Variants in KIAA1671 observed in about 807,000 individuals in gnomAD.
The protein encoded by KIAA1671 is KIAA1671.
KIAA1671 carries 52 observed loss-of-function variants against 131.2 expected under a neutral mutation model. The observed-to-expected ratio is 0.40, with a 90% CI of 0.32 to 0.50. KIAA1671 has a LOEUF of 0.50. KIAA1671 is among the 20% of genes least tolerant of loss of function. The pLI is 0.73. For missense variants in KIAA1671, 2,360 were observed against 2,364.2 expected (o/e 1.00, Z 0.04); for synonymous variants, 1,003 against 961.6 (o/e 1.04, Z -0.80).
chr22:24,957,957 C>A (rs1921804707), intron 1 of KIAA1671, among the ~76,000 whole-genome samples: 3 of 145,400 alleles, frequency 2.1e-5, no homozygotes, highest in South Asian at 4.5e-4. Context: ...GGATTACAGG[C>A]ACCCGGCCTT....
At chr22:25,075,629 C>G (rs1416512323) in intron 6 of KIAA1671, among the ~76,000 whole-genome samples, 1 of 146,246 alleles carries the variant, frequency 6.8e-6, no homozygotes, top group South Asian at 2.2e-4. Context: ...GTAGCTGGGA[C>G]TACAGGCACG....
chr22:25,159,190 C>G (rs1933350117), intron 6 of KIAA1671, among the ~76,000 whole-genome samples: 1 of 152,182 alleles, frequency 6.6e-6, no homozygotes, highest in Non-Finnish European at 1.5e-5. Context: ...GCACTCCCAG[C>G]CGGGAAACCA....
intron 6 of KIAA1671, among the ~76,000 whole-genome samples, chr22:25,089,986 A>G (rs1929942133): frequency 6.6e-6 from 1 of 152,182 alleles, no homozygotes. Flanking sequence ...AGAGGCTAGA[A>G]GCTGAGAAGA....
chr22:25,086,215 C>G (rs985042238), intron 6 of KIAA1671, among the ~76,000 whole-genome samples: 2 of 152,208 alleles, frequency 1.3e-5, no homozygotes, highest in Non-Finnish European at 2.9e-5. Context: ...CCTCAGAGAG[C>G]ATGTCTTGTT....
At chr22:25,001,024 T>C (rs551949254) in intron 1 of KIAA1671, among the ~76,000 whole-genome samples, 1 of 152,190 alleles carries the variant, frequency 6.6e-6, no homozygotes, top group African/African-American at 2.4e-5. Context: ...GATTTTTTTC[T>C]GTGTATGTGT....
intron 6 of KIAA1671, among the ~76,000 whole-genome samples, chr22:25,078,380 A>G (rs1929224469): frequency 6.6e-6 from 1 of 152,134 alleles, no homozygotes; most frequent in South Asian, 2.1e-4. Context: ...TTTTTTTTGA[A>G]TAGCCAAGTA....
At chr22:25,096,709 G>T (rs576528913) in intron 6 of KIAA1671, among the ~76,000 whole-genome samples, 1 of 152,144 alleles carries the variant, frequency 6.6e-6, no homozygotes, top group African/African-American at 2.4e-5. Flanking sequence ...GAACCGTCAC[G>T]GCAGTGAAAA....
Position 25,039,075 on chromosome 22 carries a change from A to G in KIAA1671, c.1945A>G (p.Arg649Gly), listed in dbSNP as rs1245143558. 2 of 1,551,586 alleles carry G rather than the reference A, an allele frequency of 1.3e-6. No homozygotes were observed. The highest frequency in any genetic ancestry group is 1.7e-6 in the Non-Finnish European group (2 of 1,147,030). ...GGCCCATGCCCGTGTCTCAGAACCC[A>G]GGCCGAGGCCTGAGATGGGCTCTTG... ...DMAHARVSEP[R>G]PRPEMGSWLG... Residue 649 changes from arginine (R) to glycine (G), a missense_variant, in exon 5 of 13, where the codon AGG (arginine) becomes GGG (glycine). Transcript: ENST00000358431.
intron 1 of KIAA1671, chr22:25,012,355 C>T (rs567565614): frequency 3.5e-4 from 53 of 152,040 alleles, no homozygotes; most frequent in African/African-American, 1.2e-3. Flanking sequence ...TCACTGCAAC[C>T]TCTGCCTCCC....
chr22:25,129,898 G>A (rs1267051683), intron 6 of KIAA1671, among the ~76,000 whole-genome samples: 10 of 152,084 alleles, frequency 6.6e-5, no homozygotes, highest in Non-Finnish European at 1.0e-4. Context: ...ATCTGTTGAC[G>A]TATACAATGC....
At chr22:25,154,175 C>T (rs145524037) in intron 6 of KIAA1671, among the ~76,000 whole-genome samples, 1 of 152,196 alleles carries the variant, frequency 6.6e-6, no homozygotes, top group African/African-American at 2.4e-5. Flanking sequence ...GGCTTTGATC[C>T]AGGCACTGTG....
In KIAA1671 at chr22:25,039,583, C is replaced by A; in HGVS notation, c.2453C>A (p.Pro818Gln). 3.9e-6 allele frequency: 6 copies of A among 1,551,728 alleles called. No homozygotes were observed. The South Asian group carries it at 7.1e-5, about 18-fold the overall frequency. Residue 818 changes from proline to glutamine, a missense_variant, in exon 5 of 13, where the codon CCG becomes CAG. Transcript: ENST00000358431. The part of the protein sequence containing the change: ...ASGPKFGGNC[P>Q]FPKWTGGAVV... ...GGACCGAAGTTTGGGGGCAATTGCC[C>A]GTTTCCCAAATGGACAGGCGGGGCA...
In KIAA1671 at chr22:25,174,251, A is replaced by C. The variant is rs912764204; in HGVS notation, c.4661A>C (p.Glu1554Ala). The C allele has an allele frequency of 3.9e-6, 6 of 1,551,412 alleles. No homozygotes were observed. The highest frequency in any genetic ancestry group is 2.0e-5 in the Admixed American group (1 of 50,966). ...CCCTTTTTTGGCAGCTTGGCCACTGAGTCCCCAGATAGCAGTGCCACATCG... is the reference window on the plus strand; with the variant it reads ...CCCTTTTTTGGCAGCTTGGCCACTGCGTCCCCAGATAGCAGTGCCACATCG... ...QCQSGESLAT[E>A]SPDSSATSTR... Residue 1554 changes from glutamate (E) to alanine (A), a missense_variant, in exon 8 of 13, where the codon GAG (glutamate) becomes GCG (alanine). By Grantham distance (107) the Glu-to-Ala change is moderately radical (BLOSUM62 -1). This residue lies in a region of KIAA1671 where 1,161 missense variants were observed against 1,204.7 expected (regional missense o/e 0.96). Coordinates refer to ENST00000358431, the MANE Select transcript of KIAA1671 (RefSeq NM_001145206.2).
At chr22:25,151,814 C>T (rs940804507) in intron 6 of KIAA1671, among the ~76,000 whole-genome samples, 1 of 152,072 alleles carries the variant, frequency 6.6e-6, no homozygotes, top group Non-Finnish European at 1.5e-5. Context: ...TCTTGACTCA[C>T]TACAGCCTCT....
intron 6 of KIAA1671, among the ~76,000 whole-genome samples, chr22:25,147,032 C>CA (rs1389457322): frequency 1.3e-5 from 2 of 151,956 alleles, no homozygotes; most frequent in African/African-American, 4.8e-5. Context: ...CAGATGAGGG[C>CA]AATATGATTT....
chr22:25,039,507 G>A lies in KIAA1671; in HGVS notation c.2377G>A (p.Val793Ile), dbSNP rs980777826. The change falls in exon 5 of 13, where the codon GTC (valine) becomes ATC (isoleucine). Residue 793 changes from valine to isoleucine, a missense_variant. Coordinates refer to ENST00000358431, the MANE Select transcript of KIAA1671 (RefSeq NM_001145206.2). The stretch of plus-strand genomic sequence containing the variant: ...TGGTTTGGAAGGTCAGGCGGGGTCC[G>A]TCCAAAGGGCCAGTTTGATTTGGGA... ...ECGLEGQAGS[V>I]QRASLIWEAR... The A allele has an allele frequency of 2.3e-4, 353 of 1,551,796 alleles. 4 individuals are homozygous for A. In the East Asian group the frequency reaches 7.9e-3, roughly 35 times the overall value.
intron 6 of KIAA1671, among the ~76,000 whole-genome samples, chr22:25,074,652 G>A (rs922711721): frequency 6.6e-6 from 1 of 151,970 alleles, no homozygotes; most frequent in Admixed American, 6.6e-5. Flanking sequence ...TGAGTACAAA[G>A]AAGAAAAGTC....
intron 1 of KIAA1671, among the ~76,000 whole-genome samples, chr22:25,000,087 G>C (rs565972278): frequency 4.1e-5 from 6 of 147,230 alleles, no homozygotes; most frequent in Non-Finnish European, 8.9e-5. Context: ...GTTTCACCGT[G>C]TTAGCCAGGA....
chr22:25,093,734 C>CTT lies in KIAA1671; in HGVS notation c.4530+44370_4530+44371insTT, dbSNP rs1568950964. On this transcript the variant is annotated intron_variant, in intron 6 of 12. Transcript: ENST00000358431. ...ACACACACACACACACACACACACA[C>CTT]ACACTCTCTCTCTCTCTCTCTCTCT... Among the ~76,000 whole-genome samples the CTT allele has an allele frequency of 1.4e-3, 159 of 112,162 alleles. 11 individuals carry two copies. Among genetic ancestry groups the CTT allele is most frequent in the African/African-American group, 6.1e-3 (133 of 21,898 alleles). 73.6% of individuals were successfully genotyped at this position (112,162 alleles called of 152,430 possible).
Sources: allele counts gnomAD v4.1 joint callset (sites outside exome capture counted in the v4.1 genomes callset), GRCh38; gene constraint gnomAD v4.1.1; regional missense constraint gnomAD v4.1.1; transcripts MANE v1.5; gene names NCBI Gene and HGNC (gene_info 2026-07-23, HGNC 2026-07-21).